The following ABI3BP variants were observed in gnomAD, a reference collection of about 807,000 sequenced individuals.
ABI3BP encodes ABI family member 3 binding protein.
In ABI3BP, 216 loss-of-function variants were observed where a neutral mutation model predicts 268.6. That is an observed-to-expected ratio of 0.80 (90% CI 0.72 to 0.90). The LOEUF is 0.90. Ranked by LOEUF, ABI3BP falls within the 40% of genes least tolerant of loss-of-function variation. ABI3BP has a pLI of 0.00. For missense variants in ABI3BP, 2,090 were observed against 2,182.4 expected (o/e 0.96, Z 0.84); for synonymous variants, 730 against 730.0 (o/e 1.00, Z 0.00).
rs747853606 is a variant in ABI3BP at position 100,926,396 on chromosome 3, C to A, written c.165G>T (p.Lys55Asn). Residue 55 changes from lysine (K) to asparagine (N), a missense_variant, in exon 2 of 68, where the codon AAG becomes AAT. Transcript: ENST00000471714. ...CATATCCCAGGAGAAGACCTTCAAG[C>A]TTTACATTTGGACTTGGACGCAAGA... ...LKFLRPSPNVKLEGLLLGYGS... is the reference protein window; with the variant it reads ...LKFLRPSPNVNLEGLLLGYGS... 6.2e-7 allele frequency: 1 copy of A among 1,613,492 alleles called. No individual in the cohort carries two copies. Among genetic ancestry groups the A allele is most frequent in the Non-Finnish European group, 8.5e-7 (1 of 1,179,584 alleles).
chr3:100,897,403 A>T (rs967378263), intron 4 of ABI3BP, among the ~76,000 whole-genome samples: 2 of 151,548 alleles, frequency 1.3e-5, no homozygotes, highest in African/African-American at 4.9e-5. Context: ...CATATACATA[A>T]AAAAAAACAA....
At chr3:100,807,578 C>A (rs1472875442) in intron 50 of ABI3BP, among the ~76,000 whole-genome samples, 1 of 151,842 alleles carries the variant, frequency 6.6e-6, no homozygotes, top group Admixed American at 6.6e-5. Flanking sequence ...TCCCCTGTAG[C>A]AAAACAAGAA....
At chr3:100,788,537 A>G (rs1347891663) in intron 56 of ABI3BP, among the ~76,000 whole-genome samples, 1 of 152,042 alleles carries the variant, frequency 6.6e-6, no homozygotes, top group Non-Finnish European at 1.5e-5. Flanking sequence ...GTGCTCGGTC[A>G]TTATTAGCCA....
intron 1 of ABI3BP, among the ~76,000 whole-genome samples, chr3:100,934,989 C>T (rs982383760): frequency 1.3e-5 from 2 of 152,106 alleles, no homozygotes; most frequent in Admixed American, 6.5e-5. Flanking sequence ...TAATCAGATC[C>T]GATTTCTCTA....
chr3:100,894,952 A>ACAAAAAAAAAACAAAAAC (rs2046744928), intron 4 of ABI3BP, among the ~76,000 whole-genome samples: 1 of 111,624 alleles, frequency 9.0e-6, no homozygotes. Flanking sequence ...AAAAAAAAAA[A>ACAAAAAAAAAACAAAAAC]AAAAAAAAAA....
At position 100,752,831 on chromosome 3, in the gene ABI3BP, C is replaced by T; in HGVS notation, c.5078G>A (p.Cys1693Tyr). The T allele has an allele frequency of 1.2e-6, 2 of 1,613,450 alleles. No individual in the cohort carries two copies. Among genetic ancestry groups the T allele is most frequent in the Non-Finnish European group, 1.7e-6 (2 of 1,179,684 alleles). The change falls in exon 66 of 68, where the codon TGC (cysteine) becomes TAC (tyrosine). Residue 1693 changes from cysteine to tyrosine, a missense_variant. Cys to Tyr is a radical substitution (Grantham distance 194, BLOSUM62 -2). Coordinates refer to ENST00000471714, the MANE Select transcript of ABI3BP (RefSeq NM_001375547.2). ...WYKKFVGVQL[C>Y]NSLRYKIYLS... ...GTAAATCTTGTATCTGAGAGAGTTG[C>T]ACAGCTGCACTCCTACAAATTTTTT... is the stretch of plus-strand genomic sequence containing the variant.
chr3:100,854,148 C>T (rs1037546759), intron 14 of ABI3BP, among the ~76,000 whole-genome samples: 7 of 146,596 alleles, frequency 4.8e-5, no homozygotes, highest in South Asian at 2.1e-4. Context: ...GTTAGGAGTT[C>T]GAGACCAGCC....
At chr3:100,865,006 T>A in intron 10 of ABI3BP, 99 bp from the exon 11 acceptor site, 2 of 870,328 alleles carry the variant, frequency 2.3e-6, no homozygotes, top group South Asian at 3.1e-5. Flanking sequence ...GTGGCTGATA[T>A]TTGTATAGCC....
intron 1 of ABI3BP, among the ~76,000 whole-genome samples, chr3:100,961,710 A>T (rs557227379): frequency 9.8e-5 from 15 of 152,310 alleles, no homozygotes; most frequent in African/African-American, 3.6e-4. Context: ...ATTACCTTCA[A>T]TAAATCTGTT....
intron 63 of ABI3BP, among the ~76,000 whole-genome samples, chr3:100,762,025 A>G (rs914794583): frequency 7.9e-5 from 12 of 152,234 alleles, no homozygotes; most frequent in African/African-American, 2.7e-4. Context: ...AAGTTTATCT[A>G]TTTCAAAAAT....
At chr3:100,948,589 A>G (rs1480231665) in intron 1 of ABI3BP, among the ~76,000 whole-genome samples, 1 of 152,180 alleles carries the variant, frequency 6.6e-6, no homozygotes, top group African/African-American at 2.4e-5. Flanking sequence ...AACTTACTAT[A>G]TGAATACTTC....
In ABI3BP at chr3:100,749,813, CTT is replaced by C. The variant is rs543461135; in HGVS notation, c.*680_*681del. 6.3e-4 allele frequency: 249 copies of C among 397,368 alleles called. No homozygotes were observed. The highest frequency in any genetic ancestry group is 9.4e-4 in the Non-Finnish European group (212 of 225,432). The allele number at this position is 397,368 out of a possible 1,614,324, so 24.6% of individuals were successfully genotyped here. ...ACATTTATGGTGGGTAAAAATGTAT[CTT>C]TTGAAACAATATATTAGACTCCATT... On this transcript the variant is annotated 3_prime_UTR_variant, in exon 68 of 68. Transcript: ENST00000471714.
intron 51 of ABI3BP, among the ~76,000 whole-genome samples, chr3:100,800,693 A>G (rs1039323869): frequency 3.9e-5 from 6 of 152,110 alleles, no homozygotes; most frequent in Non-Finnish European, 4.4e-5. Flanking sequence ...GTTAGCCAGA[A>G]TGGTCTTGTT....
intron 1 of ABI3BP, among the ~76,000 whole-genome samples, chr3:100,969,089 C>T (rs771760420): frequency 5.9e-5 from 9 of 152,040 alleles, no homozygotes; most frequent in Admixed American, 3.9e-4. Flanking sequence ...ATACAAAGGG[C>T]GGGGAAGCAT....
intron 6 of ABI3BP, among the ~76,000 whole-genome samples, chr3:100,881,055 G>C (rs1005071976): frequency 1.3e-5 from 2 of 152,108 alleles, no homozygotes; most frequent in Non-Finnish European, 2.9e-5. Flanking sequence ...TCTAATGAAA[G>C]TTACAAAACA....
chr3:100,756,365 A>G (rs995039081), intron 63 of ABI3BP, among the ~76,000 whole-genome samples: 1 of 152,220 alleles, frequency 6.6e-6, no homozygotes, highest in Non-Finnish European at 1.5e-5. Context: ...TCTCTACTAA[A>G]AATACAAAAA....
rs184068785 is a variant in ABI3BP at position 100,851,369 on chromosome 3, G to A, written c.1351+506C>T. ...TCACGTTAGCACTATTGACAATTAG[G>A]GTCAAATAATCTGTGCTGTGGGAGG... On this transcript the variant is annotated intron_variant, in intron 15 of 67. Transcript: ENST00000471714. Among the ~76,000 whole-genome samples the A allele has an allele frequency of 8.5e-5, 13 of 152,246 alleles. No individual in the cohort carries two copies. The East Asian group carries it at 1.7e-3, about 20-fold the overall frequency.
chr3:100,827,299 T>C (rs1169765126), intron 34 of ABI3BP, among the ~76,000 whole-genome samples: 2 of 152,122 alleles, frequency 1.3e-5, no homozygotes, highest in Non-Finnish European at 2.9e-5. Context: ...TGCAGGTCTC[T>C]TCTAAACTGA....
intron 50 of ABI3BP, 64 bp downstream of exon 50, chr3:100,808,097 A>G: frequency 1.4e-6 from 2 of 1,409,192 alleles, no homozygotes; most frequent in East Asian, 4.8e-5. Flanking sequence ...ATTAATGAAC[A>G]ATTTGCTAGA....
Sources: gnomAD v4.1 joint callset for allele counts (sites outside exome capture counted in the v4.1 genomes callset) on GRCh38, gnomAD v4.1.1 for gene constraint, MANE v1.5 for transcripts, NCBI Gene and HGNC (gene_info 2026-07-23, HGNC 2026-07-21) for gene names.